TMEM156: variants seen among roughly 807,000 people sequenced by gnomAD.
The protein encoded by TMEM156 is transmembrane protein 156.
Under a neutral mutation model 30.5 loss-of-function variants are expected in TMEM156, and 28 were observed. The ratio of observed to expected loss-of-function variants is 0.92; its 90% confidence interval spans 0.68 to 1.26. The LOEUF is 1.26. Ranked by LOEUF, TMEM156 falls within the 50% of genes most tolerant of loss-of-function variation. The pLI, the probability that TMEM156 is intolerant of heterozygous loss-of-function variation, is 0.00. For missense variants in TMEM156, 351 were observed against 340.6 expected (o/e 1.03, Z -0.24); for synonymous variants, 137 against 119.9 (o/e 1.14, Z -0.93).
chr4:38,988,968 T>G lies in TMEM156; in HGVS notation c.622A>C (p.Ile208Leu), dbSNP rs1712221511. 6.2e-7 allele frequency: 1 copy of G among 1,609,916 alleles called. No individual in the cohort carries two copies. The highest frequency in any genetic ancestry group is 1.3e-5 in the African/African-American group (1 of 74,710). The change falls in exon 4 of 7, where the codon ATC (isoleucine) becomes CTC (leucine). Residue 208 changes from isoleucine to leucine, a missense_variant and splice_region_variant. Transcript: ENST00000381938. ...SLHLEMDIKNITCSMKITWYI... is the reference protein window; with the variant it reads ...SLHLEMDIKNLTCSMKITWYI... ...CAAGTGATCTTCATGGAACAAGTGA[T>G]ATCTGTAAAGAAAACAAATACTGTA...
chr4:38,977,850 C>T (rs944111735), intron 5 of TMEM156, among the ~76,000 whole-genome samples: 4 of 152,158 alleles, frequency 2.6e-5, no homozygotes, highest in African/African-American at 7.2e-5. Context: ...AATTCCATGC[C>T]TTATGCTCTC....
At chr4:38,999,124 T>TA (rs1713155409) in intron 1 of TMEM156, among the ~76,000 whole-genome samples, 1 of 147,130 alleles carries the variant, frequency 6.8e-6, no homozygotes, top group African/African-American at 2.5e-5. Flanking sequence ...TTTTTTTTTT[T>TA]TTTTTTTTTT....
At chr4:39,007,022 A>G (rs1412648609) in intron 1 of TMEM156, among the ~76,000 whole-genome samples, 7 of 152,246 alleles carry the variant, frequency 4.6e-5, no homozygotes, top group Non-Finnish European at 4.4e-5. Context: ...TTTTTTCTTT[A>G]TGTATAACCA....
intron 1 of TMEM156, among the ~76,000 whole-genome samples, chr4:39,029,528 C>A (rs1468320796): frequency 1.5e-4 from 2 of 13,258 alleles, no homozygotes; most frequent in Admixed American, 1.8e-3. Context: ...TCCTGGCTAA[C>A]ACGGTGAAAC....
chr4:39,004,975 C>A (rs571730886), intron 1 of TMEM156, among the ~76,000 whole-genome samples: 5 of 152,222 alleles, frequency 3.3e-5, no homozygotes, highest in African/African-American at 7.2e-5. Flanking sequence ...GAACTGGAAA[C>A]AATTCAAATG....
chr4:39,027,366 G>T (rs1715261264), intron 1 of TMEM156, among the ~76,000 whole-genome samples: 1 of 152,090 alleles, frequency 6.6e-6, no homozygotes, highest in Non-Finnish European at 1.5e-5. Flanking sequence ...TTATCCTATA[G>T]TTGCTTTATC....
intron 1 of TMEM156, among the ~76,000 whole-genome samples, chr4:39,030,047 A>G (rs1715426462): frequency 6.6e-6 from 1 of 151,986 alleles, no homozygotes; most frequent in Admixed American, 6.6e-5. Flanking sequence ...GGTTCCTTTG[A>G]AACAAAATTC....
intron 1 of TMEM156, among the ~76,000 whole-genome samples, chr4:39,012,198 A>G (rs1056025211): frequency 1.3e-5 from 2 of 152,228 alleles, no homozygotes; most frequent in Admixed American, 1.3e-4. Flanking sequence ...TTAAAAATAT[A>G]TTAATGAAAT....
chr4:39,018,046 C>T (rs1714615497), intron 1 of TMEM156, among the ~76,000 whole-genome samples: 1 of 152,006 alleles, frequency 6.6e-6, no homozygotes, highest in Non-Finnish European at 1.5e-5. Flanking sequence ...CCTATTTGTA[C>T]CATGCTTTCT....
rs537799268 is a variant in TMEM156 at position 39,032,357 on chromosome 4, T to C, written c.-44A>G. 2.4e-6 allele frequency: 3 copies of C among 1,232,522 alleles called. No individual in the cohort carries two copies. The highest frequency in any genetic ancestry group is 1.9e-4 in the Middle Eastern group (1 of 5,324). 76.3% of individuals were successfully genotyped at this position (1,232,522 alleles called of 1,614,324 possible). On this transcript the variant is annotated 5_prime_UTR_variant, in exon 1 of 7. It removes an upstream start codon present in the reference 5' UTR. Coordinates refer to ENST00000381938, the MANE Select transcript of TMEM156 (RefSeq NM_024943.3). ...AATGTGTTCCCTTGCAGTACATTCATGGTATGTTGCTTCCTGCTTTAAGTT... is the reference window on the plus strand; with the variant it reads ...AATGTGTTCCCTTGCAGTACATTCACGGTATGTTGCTTCCTGCTTTAAGTT...
intron 1 of TMEM156, among the ~76,000 whole-genome samples, chr4:39,000,627 C>A (rs1357723446): frequency 1.3e-5 from 2 of 152,172 alleles, no homozygotes; most frequent in African/African-American, 4.8e-5. Flanking sequence ...TGGCTCATGC[C>A]TGTAATCCCA....
chr4:39,000,833 G>A (rs1215741098), intron 1 of TMEM156, among the ~76,000 whole-genome samples: 6 of 151,778 alleles, frequency 4.0e-5, no homozygotes, highest in African/African-American at 1.5e-4. Flanking sequence ...GTTGCAGTGA[G>A]CCAAGATCGC....
intron 1 of TMEM156, among the ~76,000 whole-genome samples, chr4:39,003,036 T>TA (rs1032973411): frequency 2.0e-5 from 3 of 151,946 alleles, no homozygotes; most frequent in South Asian, 2.1e-4. Context: ...AGTATAATAA[T>TA]AAAAAAATTT....
intron 1 of TMEM156, among the ~76,000 whole-genome samples, chr4:39,017,171 CTTTTTTTTTTTT>C (rs1159565890): frequency 2.2e-5 from 2 of 91,300 alleles, no homozygotes; most frequent in Non-Finnish European, 4.0e-5. Context: ...TGTATTTCTT[CTTTTTTTTTTTT>C]TTTTTTTTTG....
intron 1 of TMEM156, among the ~76,000 whole-genome samples, chr4:39,011,060 CCAA>C (rs1028851514): frequency 6.6e-6 from 1 of 151,850 alleles, no homozygotes; most frequent in African/African-American, 2.4e-5. Flanking sequence ...CTGAAACAAA[CCAA>C]CAAGAAAAAA....
At chr4:39,013,771 A>G (rs1714291510) in intron 1 of TMEM156, among the ~76,000 whole-genome samples, 1 of 152,152 alleles carries the variant, frequency 6.6e-6, no homozygotes, top group Admixed American at 6.6e-5. Context: ...AAAATGGTAA[A>G]AATTAAGAGG....
chr4:38,982,016 G>A (rs12108614), intron 5 of TMEM156, among the ~76,000 whole-genome samples: 1,760 of 152,316 alleles, frequency 0.012, 35 homozygotes, highest in African/African-American at 0.039. Context: ...GTGTCTGTGA[G>A]GGTGTAGCCA....
chr4:39,001,459 C>T (rs1032598609), intron 1 of TMEM156, among the ~76,000 whole-genome samples: 3 of 150,406 alleles, frequency 2.0e-5, no homozygotes, highest in Admixed American at 1.3e-4. Flanking sequence ...GCATCTTCAC[C>T]ATTTCTCATA....
Position 38,986,807 on chromosome 4 carries a change from C to CAAAAAAA in TMEM156, c.740-395_740-389dup, listed in dbSNP as rs59087758. The stretch of plus-strand genomic sequence containing the variant: ...TGGACGAAAGAGTGAGACTCCATCT[C>CAAAAAAA]AAAAAAAAAAAAAAAAAAAAAAAAA... On this transcript the variant is annotated intron_variant, in intron 4 of 6. Coordinates refer to ENST00000381938, the MANE Select transcript of TMEM156 (RefSeq NM_024943.3). Among the ~76,000 whole-genome samples the CAAAAAAA allele has an allele frequency of 1.3e-4, 3 of 23,742 alleles. 1 individual carries two copies. Among genetic ancestry groups the CAAAAAAA allele is most frequent in the Non-Finnish European group, 2.5e-4 (3 of 12,226 alleles). The allele number at this position is 23,742 out of a possible 152,430, so 15.6% of individuals were successfully genotyped here.
Sources: gnomAD v4.1 joint callset for allele counts (sites outside exome capture counted in the v4.1 genomes callset) on GRCh38, gnomAD v4.1.1 for gene constraint, MANE v1.5 for transcripts, NCBI Gene and HGNC (gene_info 2026-07-23, HGNC 2026-07-21) for gene names.